The following CNTNAP5 variants were observed in gnomAD, a reference collection of about 807,000 sequenced individuals.
CNTNAP5 encodes contactin associated protein family member 5.
In CNTNAP5, 72 loss-of-function variants were observed where a neutral mutation model predicts 150.2. That is an observed-to-expected ratio of 0.48 (90% CI 0.40 to 0.58). CNTNAP5 has a LOEUF of 0.58. CNTNAP5 is among the 20% of genes least tolerant of loss of function. CNTNAP5 has a pLI of 0.00. For missense variants in CNTNAP5, 1,636 were observed against 1,626.2 expected, an observed-to-expected ratio of 1.01 and a Z score of -0.10; for synonymous variants, 672 against 619.8, an observed-to-expected ratio of 1.08 and a Z score of -1.25.
intron 1 of CNTNAP5, among the ~76,000 whole-genome samples, chr2:124,210,071 T>C (rs954695251): frequency 6.6e-6 from 1 of 152,172 alleles, no homozygotes; most frequent in Non-Finnish European, 1.5e-5. Context: ...TAAAATTTTA[T>C]TCTGAAGGCA....
At chr2:124,509,259 C>G (rs1694496773) in intron 8 of CNTNAP5, among the ~76,000 whole-genome samples, 1 of 152,160 alleles carries the variant, frequency 6.6e-6, no homozygotes, top group Admixed American at 6.5e-5. Context: ...GTAAATGCAT[C>G]CTCAAAATAG....
At chr2:124,603,547 T>C (rs534804347) in intron 11 of CNTNAP5, among the ~76,000 whole-genome samples, 6 of 152,328 alleles carry the variant, frequency 3.9e-5, no homozygotes, top group East Asian at 1.9e-4. Flanking sequence ...TAAAGGATGA[T>C]TTTCAAATTC....
At chr2:124,419,944 CTTT>C (rs1558893999) in intron 4 of CNTNAP5, among the ~76,000 whole-genome samples, 120 of 117,024 alleles carry the variant, frequency 1.0e-3, no homozygotes, top group African/African-American at 2.1e-3. Flanking sequence ...TTCTTTCTTT[CTTT>C]CTTTCTTTCC....
At chr2:124,225,756 C>T (rs1212463252) in intron 2 of CNTNAP5, among the ~76,000 whole-genome samples, 1 of 152,080 alleles carries the variant, frequency 6.6e-6, no homozygotes, top group East Asian at 1.9e-4. Flanking sequence ...AAGTTTGTAC[C>T]TTGATCAACA....
At chr2:124,234,091 TC>T (rs1322692962) in intron 2 of CNTNAP5, among the ~76,000 whole-genome samples, 1 of 152,126 alleles carries the variant, frequency 6.6e-6, no homozygotes, top group East Asian at 1.9e-4. Context: ...TTCTCCCTTT[TC>T]CCTTTGATAA....
chr2:124,694,285 T>C (rs989362702), intron 13 of CNTNAP5, among the ~76,000 whole-genome samples: 11 of 152,166 alleles, frequency 7.2e-5, no homozygotes, highest in Non-Finnish European at 2.9e-5. Context: ...TGATGAGGCA[T>C]AGAGTGAATA....
At chr2:124,149,426 A>AAAAAC (rs1553442214) in intron 1 of CNTNAP5, among the ~76,000 whole-genome samples, 1 of 141,370 alleles carries the variant, frequency 7.1e-6, no homozygotes, top group African/African-American at 2.6e-5. Context: ...AAAAAAAAAA[A>AAAAAC]CTCAGGAAAA....
At chr2:124,770,137 T>C (rs188594748) in intron 16 of CNTNAP5, among the ~76,000 whole-genome samples, 101 of 152,256 alleles carry the variant, frequency 6.6e-4, no homozygotes, top group African/African-American at 2.1e-3. Flanking sequence ...ACTGTAAAGG[T>C]ATAAAGAAAA....
At chr2:124,810,539 C>G (rs1682192954) in intron 19 of CNTNAP5, among the ~76,000 whole-genome samples, 1 of 152,070 alleles carries the variant, frequency 6.6e-6, no homozygotes, top group African/African-American at 2.4e-5. Context: ...CCTAGTCCAA[C>G]CTGGGAGAGA....
chr2:124,271,708 C>CAA (rs1687764497), intron 3 of CNTNAP5, among the ~76,000 whole-genome samples: 1 of 139,906 alleles, frequency 7.1e-6, no homozygotes, highest in Non-Finnish European at 1.6e-5. Flanking sequence ...TATCATCTAT[C>CAA]TATCTATCTA....
At chr2:124,281,891 G>GTAATTTCTCCCAGGAGCACA (rs1433637238) in intron 3 of CNTNAP5, among the ~76,000 whole-genome samples, 1 of 152,068 alleles carries the variant, frequency 6.6e-6, no homozygotes, top group Non-Finnish European at 1.5e-5. Context: ...CTTCCCTCAC[G>GTAATTTCTCCCAGGAGCACA]TAATTTCTCC....
intron 1 of CNTNAP5, among the ~76,000 whole-genome samples, chr2:124,059,679 G>C (rs1681952013): frequency 6.6e-6 from 1 of 152,052 alleles, no homozygotes; most frequent in African/African-American, 2.4e-5. Flanking sequence ...TGTTAAGAAG[G>C]AGTTGGGGAC....
At chr2:124,529,319 G>A (rs1462209718) in intron 10 of CNTNAP5, among the ~76,000 whole-genome samples, 2 of 152,102 alleles carry the variant, frequency 1.3e-5, no homozygotes, top group African/African-American at 4.8e-5. Context: ...TTTTAATCAA[G>A]CAAGCTCTCA....
chr2:124,645,526 C>T (rs147753285), intron 12 of CNTNAP5, among the ~76,000 whole-genome samples: 47 of 152,038 alleles, frequency 3.1e-4, no homozygotes, highest in African/African-American at 1.1e-3. Flanking sequence ...CACGATCGTG[C>T]CACTGTCCTC....
At chr2:124,863,947 T>A (rs1677576475) in intron 19 of CNTNAP5, among the ~76,000 whole-genome samples, 1 of 152,188 alleles carries the variant, frequency 6.6e-6, no homozygotes, top group African/African-American at 2.4e-5. Flanking sequence ...TTCCAATTAT[T>A]TTCCATTCCC....
intron 19 of CNTNAP5, among the ~76,000 whole-genome samples, chr2:124,839,294 C>T (rs963221113): frequency 6.6e-6 from 1 of 152,000 alleles, no homozygotes; most frequent in Non-Finnish European, 1.5e-5. Context: ...AAGGGAATGA[C>T]GTGAGAGGGG....
intron 11 of CNTNAP5, among the ~76,000 whole-genome samples, chr2:124,597,431 G>C (rs1433571612): frequency 6.8e-6 from 1 of 147,960 alleles, no homozygotes; most frequent in Non-Finnish European, 1.5e-5. Flanking sequence ...TGAAATTCTG[G>C]GTTGAAAATT....
chr2:124,714,040 T>C (rs560983341), intron 13 of CNTNAP5, among the ~76,000 whole-genome samples: 12 of 152,308 alleles, frequency 7.9e-5, no homozygotes, highest in African/African-American at 2.6e-4. Context: ...AGGCTCTTTT[T>C]TTCCCCCCAA....
intron 1 of CNTNAP5, among the ~76,000 whole-genome samples, chr2:124,037,769 A>T (rs1457662160): frequency 6.6e-6 from 1 of 152,214 alleles, no homozygotes; most frequent in East Asian, 1.9e-4. Flanking sequence ...TTGTACAGCA[A>T]GGTGACTATA....
Sources: allele counts gnomAD v4.1 joint callset (sites outside exome capture counted in the v4.1 genomes callset), GRCh38; gene constraint gnomAD v4.1.1; transcripts MANE v1.5; gene names NCBI Gene and HGNC (gene_info 2026-07-23, HGNC 2026-07-21).